Variants in NCALD observed in about 807,000 individuals in gnomAD.
The protein encoded by NCALD is neurocalcin-delta.
Under a neutral mutation model 18.6 loss-of-function variants are expected in NCALD, and 10 were observed. The observed-to-expected ratio is 0.54, with a 90% CI of 0.33 to 0.91. NCALD has a LOEUF of 0.91. Among genes scored for constraint, NCALD ranks in the 40% least tolerant of loss-of-function variants. The pLI is 0.03. For missense variants in NCALD, 184 were observed against 247.6 expected, an observed-to-expected ratio of 0.74 and a Z score of 1.72; for synonymous variants, 88 against 87.4, an observed-to-expected ratio of 1.01 and a Z score of -0.04.
chr8:102,006,205 T>G (rs1821705344), intron 2 of NCALD, among the ~76,000 whole-genome samples: 1 of 152,172 alleles, frequency 6.6e-6, no homozygotes, highest in African/African-American at 2.4e-5. Context: ...GAAGCTATGG[T>G]TTTTCCTCAT....
intron 1 of NCALD, among the ~76,000 whole-genome samples, chr8:102,107,201 T>C (rs1254850504): frequency 9.3e-5 from 3 of 32,362 alleles, no homozygotes; most frequent in Non-Finnish European, 2.4e-4. Flanking sequence ...TGTACATATA[T>C]ATATATATAT....
At chr8:102,020,174 C>T (rs957937786) in intron 2 of NCALD, 43 of 152,078 alleles carry the variant, frequency 2.8e-4, no homozygotes, top group Admixed American at 1.8e-3. Context: ...TTATGTATGT[C>T]TTAGGGAATC....
chr8:101,999,915 T>C (rs983668684), intron 2 of NCALD, among the ~76,000 whole-genome samples: 2 of 152,136 alleles, frequency 1.3e-5, no homozygotes, highest in African/African-American at 2.4e-5. Flanking sequence ...GGAACCAAGA[T>C]GGCAGAATAG....
rs146256018 is a variant in NCALD, at chr8:101,960,792, A to C, written c.-156-44934T>G. Among the ~76,000 whole-genome samples the C allele has an allele frequency of 6.6e-5, 10 of 152,192 alleles. No homozygotes were observed. The South Asian group carries it at 1.5e-3, about 22-fold the overall frequency. On this transcript the variant is annotated intron_variant, in intron 2 of 6. Coordinates refer to the NCALD transcript ENST00000311028. ...CTTTATTTCACTTTTACCCTCACCA[A>C]TGTAGTCTGATCACTCTGATTGATT...
chr8:101,795,684 A>ACT (rs1435694056), upstream of NCALD, among the ~76,000 whole-genome samples: 3 of 152,232 alleles, frequency 2.0e-5, no homozygotes, highest in African/African-American at 7.2e-5. Flanking sequence ...TCAGTGAAGC[A>ACT]CTGAGGTATA....
chr8:101,979,586 T>TC (rs1223642373), intron 2 of NCALD, among the ~76,000 whole-genome samples: 1 of 152,168 alleles, frequency 6.6e-6, no homozygotes, highest in Non-Finnish European at 1.5e-5. Flanking sequence ...GCTACTCACT[T>TC]TAAAATAACA....
chr8:101,804,066 T>TGG (rs927233653), intron 4 of NCALD, among the ~76,000 whole-genome samples: 2 of 151,966 alleles, frequency 1.3e-5, no homozygotes, highest in African/African-American at 2.4e-5. Context: ...CCATCAATAC[T>TGG]GGGGCAAGAC....
intron 1 of NCALD, among the ~76,000 whole-genome samples, chr8:101,736,666 TAA>T (rs1809932372): frequency 6.6e-6 from 1 of 151,534 alleles, no homozygotes; most frequent in South Asian, 2.1e-4. Context: ...GTTCAGGGAG[TAA>T]AGAGACTCCA....
chr8:102,113,653 C>T (rs1220346265), intron 1 of NCALD, among the ~76,000 whole-genome samples: 1 of 152,078 alleles, frequency 6.6e-6, no homozygotes, highest in Non-Finnish European at 1.5e-5. Flanking sequence ...TAGGACAGTC[C>T]CCATTTGTGC....
chr8:102,100,468 G>C (rs1825238749), intron 1 of NCALD, among the ~76,000 whole-genome samples: 1 of 152,116 alleles, frequency 6.6e-6, no homozygotes, highest in Non-Finnish European at 1.5e-5. Flanking sequence ...TATTTAAGCT[G>C]AAGTCCTGGA....
chr8:101,769,319 AATTT>A (rs1811484197), intron 1 of NCALD, among the ~76,000 whole-genome samples: 1 of 152,196 alleles, frequency 6.6e-6, no homozygotes, highest in South Asian at 2.1e-4. Context: ...TTCTATGCTC[AATTT>A]ATTTATATCC....
intron 2 of NCALD, among the ~76,000 whole-genome samples, chr8:101,939,627 CTT>C (rs1164054761): frequency 3.3e-5 from 5 of 152,294 alleles, no homozygotes; most frequent in African/African-American, 1.2e-4. Context: ...AATAAATAAA[CTT>C]CAGCTCAACC....
intron 2 of NCALD, among the ~76,000 whole-genome samples, chr8:102,018,810 T>C (rs531020155): frequency 2.0e-5 from 3 of 152,130 alleles, no homozygotes; most frequent in Admixed American, 1.3e-4. Flanking sequence ...AACTGGATCT[T>C]CACGTGGAAA....
At chr8:101,934,615 A>C (rs2131721969) in intron 2 of NCALD, among the ~76,000 whole-genome samples, 1 of 152,296 alleles carries the variant, frequency 6.6e-6, no homozygotes, top group South Asian at 2.1e-4. Flanking sequence ...AAGTACTGAA[A>C]GGGACAATAG....
intron 1 of NCALD, chr8:101,786,174 TG>T (rs1812219023): frequency 6.6e-6 from 1 of 152,204 alleles, no homozygotes; most frequent in South Asian, 2.1e-4. Flanking sequence ...ATAGCAACCC[TG>T]GGGTCTGGCT....
At chr8:101,979,618 T>C (rs1177079557) in intron 2 of NCALD, among the ~76,000 whole-genome samples, 2 of 152,236 alleles carry the variant, frequency 1.3e-5, no homozygotes, top group African/African-American at 4.8e-5. Context: ...CAAGAAGTCA[T>C]TCTGAGTTTT....
At chr8:101,927,486 A>G (rs138756290) in intron 2 of NCALD, among the ~76,000 whole-genome samples, 2 of 152,352 alleles carry the variant, frequency 1.3e-5, no homozygotes, top group African/African-American at 2.4e-5. Context: ...TGCTAAGTGC[A>G]GGAGTGAAGG....
chr8:102,035,534 A>C (rs1400302732), intron 1 of NCALD, among the ~76,000 whole-genome samples: 1 of 152,176 alleles, frequency 6.6e-6, no homozygotes, highest in Non-Finnish European at 1.5e-5. Flanking sequence ...AGGTCTCCAT[A>C]GTCCAGAGAA....
At chr8:101,722,980 T>C (rs1321274497) in intron 1 of NCALD, among the ~76,000 whole-genome samples, 4 of 152,174 alleles carry the variant, frequency 2.6e-5, no homozygotes, top group South Asian at 2.1e-4. Context: ...TAGGGGACAT[T>C]TGACAGAGTT....
Sources: allele counts gnomAD v4.1 joint callset (sites outside exome capture counted in the v4.1 genomes callset), GRCh38; gene constraint gnomAD v4.1.1; transcripts MANE v1.5; gene names NCBI Gene and HGNC (gene_info 2026-07-23, HGNC 2026-07-21).